CDK8: variants seen among roughly 807,000 people sequenced by gnomAD.
CDK8 encodes cyclin-dependent kinase 8.
CDK8 carries 29 observed loss-of-function variants against 71.5 expected under a neutral mutation model. The ratio of observed to expected loss-of-function variants is 0.41; its 90% CI spans 0.30 to 0.55. CDK8 has a LOEUF of 0.55. Ranked by LOEUF, CDK8 falls within the 20% of genes least tolerant of loss-of-function variation. The probability of loss-of-function intolerance (pLI) is 0.37; values close to 1 mark genes in which losing one functional copy is unlikely to be tolerated. For synonymous variants in CDK8, 161 were observed against 192.1 expected (o/e 0.84, Z 1.34); for missense variants, 288 against 572.6 (o/e 0.50, Z 5.07).
chr13:26,360,390 A>G (rs958713229), intron 4 of CDK8, among the ~76,000 whole-genome samples: 2 of 152,168 alleles, frequency 1.3e-5, no homozygotes. Flanking sequence ...TTCTTTCCCT[A>G]TCTTACTCCT....
At chr13:26,360,536 T>C (rs1268948348) in intron 4 of CDK8, among the ~76,000 whole-genome samples, 1 of 152,154 alleles carries the variant, frequency 6.6e-6, no homozygotes, top group African/African-American at 2.4e-5. Context: ...TAAAATCCTA[T>C]TACAGCTACT....
intron 4 of CDK8, among the ~76,000 whole-genome samples, 197 bp from the exon 5 acceptor site, chr13:26,382,617 T>G (rs1180436131): frequency 6.6e-6 from 1 of 152,196 alleles, no homozygotes; most frequent in Admixed American, 6.5e-5. Flanking sequence ...AGCACTGCCA[T>G]ATCTGGGCCT....
intron 4 of CDK8, among the ~76,000 whole-genome samples, chr13:26,366,371 C>T (rs1310968789): frequency 1.3e-5 from 2 of 152,036 alleles, no homozygotes; most frequent in Non-Finnish European, 2.9e-5. Flanking sequence ...TTTGAATCAA[C>T]ATACAATATT....
At chr13:26,348,095 T>C (rs1224405537) in intron 2 of CDK8, among the ~76,000 whole-genome samples, 1 of 151,774 alleles carries the variant, frequency 6.6e-6, no homozygotes, top group African/African-American at 2.4e-5. Flanking sequence ...TCTATATAGA[T>C]ATATATATAG....
chr13:26,370,121 C>T (rs1248544169), intron 4 of CDK8, among the ~76,000 whole-genome samples: 1 of 152,092 alleles, frequency 6.6e-6, no homozygotes, highest in Non-Finnish European at 1.5e-5. Context: ...ATAAATTGTT[C>T]TAGAGTTGTG....
chr13:26,370,654 C>T (rs1874622759), intron 4 of CDK8, among the ~76,000 whole-genome samples: 1 of 152,138 alleles, frequency 6.6e-6, no homozygotes, highest in African/African-American at 2.4e-5. Flanking sequence ...TTGATTAAAA[C>T]AGGACAAATG....
chr13:26,290,838 C>T (rs1873261960), intron 1 of CDK8, among the ~76,000 whole-genome samples: 1 of 152,044 alleles, frequency 6.6e-6, no homozygotes, highest in African/African-American at 2.4e-5. Flanking sequence ...AATTCTGGGC[C>T]AGGCGCGGTG....
At chr13:26,263,487 G>A (rs1871874575) in intron 1 of CDK8, among the ~76,000 whole-genome samples, 2 of 150,490 alleles carry the variant, frequency 1.3e-5, no homozygotes, top group African/African-American at 4.9e-5. Flanking sequence ...TGTTGCCCAC[G>A]CTAGGGTGCG....
At chr13:26,348,327 G>T (rs564808324) in intron 2 of CDK8, among the ~76,000 whole-genome samples, 2 of 152,196 alleles carry the variant, frequency 1.3e-5, no homozygotes, top group Admixed American at 1.3e-4. Flanking sequence ...GCACCGGTAC[G>T]TTAGGAATTG....
intron 4 of CDK8, among the ~76,000 whole-genome samples, chr13:26,357,923 T>G (rs188053980): frequency 1.8e-3 from 277 of 152,298 alleles, no homozygotes; most frequent in African/African-American, 6.4e-3. Flanking sequence ...GTTAATCTCA[T>G]CCAACAAAAC....
intron 1 of CDK8, among the ~76,000 whole-genome samples, chr13:26,310,794 C>T (rs901696307): frequency 2.6e-5 from 4 of 152,040 alleles, no homozygotes; most frequent in Admixed American, 2.0e-4. Context: ...ATTGTATTTC[C>T]CTCAGTTTCA....
chr13:26,258,492 G>GGTGTGT (rs56993639), intron 1 of CDK8, among the ~76,000 whole-genome samples: 1,949 of 147,510 alleles, frequency 0.013, 51 homozygotes, highest in African/African-American at 0.045. Context: ...TATCTAGAGG[G>GGTGTGT]GTGTGTGTGT....
At chr13:26,368,720 A>G (rs1310269164) in intron 4 of CDK8, among the ~76,000 whole-genome samples, 10 of 152,170 alleles carry the variant, frequency 6.6e-5, no homozygotes. Context: ...ATTAGATATG[A>G]TATTTACTTT....
chr13:26,358,930 G>A lies in CDK8; in HGVS notation c.456+5050G>A, dbSNP rs545425478. ...TGGTCCCAGCTACTTGGGAGGCTGA[G>A]GTGGGAGGGTCACTTGAGTCCAGGA... On this transcript the variant is annotated intron_variant, in intron 4 of 12. Coordinates refer to ENST00000381527, the MANE Select transcript of CDK8 (RefSeq NM_001260.3). 1.6e-3 allele frequency: 305 copies of A among 191,166 alleles called. 3 individuals are homozygous for A. The Middle Eastern group carries it at 0.028, about 18-fold the overall frequency. The allele number at this position is 191,166 out of a possible 1,614,324, so 11.8% of individuals were successfully genotyped here.
At chr13:26,273,187 A>C (rs1033703355) in intron 1 of CDK8, among the ~76,000 whole-genome samples, 1 of 152,170 alleles carries the variant, frequency 6.6e-6, no homozygotes, top group Non-Finnish European at 1.5e-5. Flanking sequence ...GTTTGGGCAT[A>C]CTTTGTTAAA....
intron 4 of CDK8, among the ~76,000 whole-genome samples, chr13:26,367,093 AT>A (rs1163047401): frequency 2.0e-5 from 3 of 152,158 alleles, no homozygotes; most frequent in Admixed American, 6.5e-5. Flanking sequence ...AGAGTCAGAA[AT>A]TTGGAATTCC....
At position 26,403,421 on chromosome 13, in the gene CDK8, C is replaced by T. The variant is rs929286101; in HGVS notation, c.1270-535C>T. ...CTAGCAATGATTATACCATTACACT[C>T]CAGCCTGGATGATAGAGTGACACCC... On this transcript the variant is annotated intron_variant, in intron 12 of 12. Transcript: ENST00000381527. 4.6e-5 allele frequency among the ~76,000 whole-genome samples: 7 copies of T among 152,032 alleles called. No homozygotes were observed. In the East Asian group the frequency reaches 1.4e-3, roughly 29 times the overall value.
chr13:26,277,778 T>C (rs1274016784), intron 1 of CDK8, among the ~76,000 whole-genome samples: 3 of 152,202 alleles, frequency 2.0e-5, no homozygotes, highest in African/African-American at 7.2e-5. Context: ...ATTAATTCTC[T>C]AAAAGTTTAG....
At chr13:26,327,640 A>G (rs1380990066) in intron 1 of CDK8, among the ~76,000 whole-genome samples, 2 of 152,094 alleles carry the variant, frequency 1.3e-5, no homozygotes, top group Non-Finnish European at 2.9e-5. Flanking sequence ...ACCAGCCTGG[A>G]CAACATGGTT....
Sources: gnomAD v4.1 joint callset for allele counts (sites outside exome capture counted in the v4.1 genomes callset) on GRCh38, gnomAD v4.1.1 for gene constraint, MANE v1.5 for transcripts, NCBI Gene and HGNC (gene_info 2026-07-23, HGNC 2026-07-21) for gene names.